SMIM14: variants seen among roughly 807,000 people sequenced by gnomAD.
SMIM14 encodes the protein chromosome 4 open reading frame 34.
SMIM14 carries 5 observed loss-of-function variants against 12.6 expected under a neutral mutation model. The observed-to-expected ratio is 0.40, with a 90% CI of 0.21 to 0.83. The LOEUF (loss-of-function observed/expected upper bound fraction) is 0.83, where lower values mean the gene tolerates loss of function less well. Among genes scored for constraint, SMIM14 ranks in the 40% least tolerant of loss-of-function variants. The pLI is 0.37. For missense variants in SMIM14, 86 were observed against 119.1 expected (o/e 0.72, Z 1.29); for synonymous variants, 30 against 40.1 (o/e 0.75, Z 0.95).
chr4:39,560,439 G>A (rs910101293), intron 3 of SMIM14, among the ~76,000 whole-genome samples: 1 of 151,882 alleles, frequency 6.6e-6, no homozygotes, highest in Non-Finnish European at 1.5e-5. Flanking sequence ...CTCCGAAAAT[G>A]CTGGGATTAC....
intron 2 of SMIM14, among the ~76,000 whole-genome samples, chr4:39,601,039 G>A (rs1028488439): frequency 2.0e-5 from 3 of 151,986 alleles, no homozygotes; most frequent in African/African-American, 7.2e-5. Context: ...TAACATAACA[G>A]ATTTATGTAT....
At position 39,556,438 on chromosome 4, in the gene SMIM14, C is replaced by A; in HGVS notation, c.257G>T (p.Ser86Ile). The part of the protein sequence containing the change: ...RGSSLPGKPT[S>I]PHNGQDPPAP... ...ATCTGCAACACTTACATTATGAGGACTGGTTGGCTTTCCAGGTAGGCTGGA... is the reference window on the plus strand; with the variant it reads ...ATCTGCAACACTTACATTATGAGGAATGGTTGGCTTTCCAGGTAGGCTGGA... The change falls in exon 4 of 5, where the codon AGT becomes ATT. Residue 86 changes from serine to isoleucine, a missense_variant. By Grantham distance (142) the Ser-to-Ile change is moderately radical. Coordinates refer to ENST00000295958, the MANE Select transcript of SMIM14 (RefSeq NM_174921.3). 1 of 1,612,054 alleles carries A rather than the reference C, an allele frequency of 6.2e-7. No homozygotes were observed. The highest frequency in any genetic ancestry group is 1.7e-4 in the Middle Eastern group (1 of 6,054).
At chr4:39,606,859 A>G (rs1714832783) in intron 1 of SMIM14, among the ~76,000 whole-genome samples, 1 of 152,196 alleles carries the variant, frequency 6.6e-6, no homozygotes, top group Admixed American at 6.6e-5. Context: ...AAGGAGAGAC[A>G]TTAAAGATAG....
In SMIM14 at chr4:39,567,461, G is replaced by A. The variant is rs183757107; in HGVS notation, c.124+4954C>T. On this transcript the variant is annotated intron_variant, in intron 3 of 4. Coordinates refer to ENST00000295958, the MANE Select transcript of SMIM14 (RefSeq NM_174921.3). ...CTACAAAAAATACAAAAATTAGGCCGGGCATGGTGGCTCACACCTGTAATC... is the reference window on the plus strand; with the variant it reads ...CTACAAAAAATACAAAAATTAGGCCAGGCATGGTGGCTCACACCTGTAATC... Among the ~76,000 whole-genome samples the A allele has an allele frequency of 6.0e-3, 908 of 152,166 alleles. 15 individuals are homozygous for A. Among genetic ancestry groups the A allele is most frequent in the African/African-American group, 0.02 (843 of 41,538 alleles).
At chr4:39,608,564 C>A (rs1714901127) in intron 1 of SMIM14, among the ~76,000 whole-genome samples, 1 of 152,098 alleles carries the variant, frequency 6.6e-6, no homozygotes, top group Non-Finnish European at 1.5e-5. Context: ...TGCTATGATT[C>A]CATTTATATG....
rs1363221760 is a variant in SMIM14 at position 39,551,396 on chromosome 4, A to AT, written c.*729dup. 1 of 152,672 alleles carries AT rather than the reference A, an allele frequency of 6.5e-6. No individual in the cohort carries two copies. Among genetic ancestry groups the AT allele is most frequent in the Non-Finnish European group, 1.5e-5 (1 of 68,040 alleles). 9.5% of individuals were successfully genotyped at this position (152,672 alleles called of 1,614,324 possible). ...TAGTGTTGAGTGGCTTACAAATGTC[A>AT]TATAATGGACTGTAAATCATCTGCC... On this transcript the variant is annotated 3_prime_UTR_variant, in exon 5 of 5. Transcript: ENST00000295958.
At chr4:39,590,022 CAAAAAAAA>C (rs34159677) in intron 2 of SMIM14, among the ~76,000 whole-genome samples, 1 of 71,352 alleles carries the variant, frequency 1.4e-5, no homozygotes, top group Non-Finnish European at 2.6e-5. Context: ...GACTCTGTTT[CAAAAAAAA>C]AAAAAAAAAA....
chr4:39,581,589 C>T (rs1202665610), intron 2 of SMIM14, among the ~76,000 whole-genome samples: 14 of 144,152 alleles, frequency 9.7e-5, no homozygotes, highest in African/African-American at 3.3e-4. Context: ...GATCTAGGCT[C>T]ACTGCAACCT....
chr4:39,619,853 T>C (rs1417832789), intron 1 of SMIM14, among the ~76,000 whole-genome samples: 3 of 56,386 alleles, frequency 5.3e-5, no homozygotes, highest in Admixed American at 1.7e-4. Flanking sequence ...TATATATTTA[T>C]ATATATTTAT....
chr4:39,568,211 G>A (rs748041526), intron 3 of SMIM14, among the ~76,000 whole-genome samples: 29 of 151,526 alleles, frequency 1.9e-4, no homozygotes, highest in Non-Finnish European at 3.4e-4. Flanking sequence ...CCTGGGAGGC[G>A]GAAGTTGCAG....
At chr4:39,573,325 T>C (rs566288930) in intron 2 of SMIM14, among the ~76,000 whole-genome samples, 1 of 152,202 alleles carries the variant, frequency 6.6e-6, no homozygotes, top group African/African-American at 2.4e-5. Flanking sequence ...CTTGAACTCC[T>C]GACCTAAAGT....
intron 1 of SMIM14, among the ~76,000 whole-genome samples, chr4:39,622,835 A>G (rs1715555265): frequency 6.6e-6 from 1 of 152,252 alleles, no homozygotes; most frequent in Admixed American, 6.5e-5. Flanking sequence ...CAAATATCAT[A>G]TAATGGTTAC....
intron 1 of SMIM14, among the ~76,000 whole-genome samples, chr4:39,634,036 C>G (rs1366325821): frequency 4.6e-5 from 7 of 152,214 alleles, no homozygotes; most frequent in Non-Finnish European, 1.0e-4. Flanking sequence ...TCAAGTGATT[C>G]TCCTGCCTCA....
In SMIM14 at chr4:39,546,553, A is replaced by G. The variant is rs1458647171; in HGVS notation, c.*5573T>C. The G allele has an allele frequency of 6.6e-6, 1 of 152,250 alleles. No homozygotes were observed. Among genetic ancestry groups the G allele is most frequent in the Non-Finnish European group, 1.5e-5 (1 of 68,042 alleles). 9.4% of individuals were successfully genotyped at this position (152,250 alleles called of 1,614,324 possible). Reference sequence around the variant, plus strand: ...CTACAAATTGAGATCCAGAACAGAGAAAGTCATCAGGTGAAATGCCAAGAC... The same window carrying G: ...CTACAAATTGAGATCCAGAACAGAGGAAGTCATCAGGTGAAATGCCAAGAC... On this transcript the variant is annotated 3_prime_UTR_variant, in exon 5 of 5. Coordinates refer to ENST00000295958, the MANE Select transcript of SMIM14 (RefSeq NM_174921.3).
Position 39,629,309 on chromosome 4 carries a change from C to T in SMIM14, c.-36+9430G>A, listed in dbSNP as rs1057324923. On this transcript the variant is annotated intron_variant, in intron 1 of 4. Transcript: ENST00000295958. ...CCAGGAAGCAGAGGTTGCAGCAAGCCGAGATCGTGCCACTGCACTCCAGCC... is the reference window on the plus strand; with the variant it reads ...CCAGGAAGCAGAGGTTGCAGCAAGCTGAGATCGTGCCACTGCACTCCAGCC... 4.4e-5 allele frequency among the ~76,000 whole-genome samples: 6 copies of T among 137,318 alleles called. No individual in the cohort carries two copies. In the East Asian group the frequency reaches 8.7e-4, roughly 20 times the overall value. The allele number at this position is 137,318 out of a possible 152,430, so 90.1% of individuals were successfully genotyped here.
chr4:39,618,431 G>A (rs1489078787), intron 1 of SMIM14, among the ~76,000 whole-genome samples: 1 of 151,914 alleles, frequency 6.6e-6, no homozygotes, highest in Non-Finnish European at 1.5e-5. Context: ...GGTGGGTCAC[G>A]AGGTCAGGAG....
chr4:39,625,933 T>C (rs1359535480), intron 1 of SMIM14, among the ~76,000 whole-genome samples: 1 of 152,192 alleles, frequency 6.6e-6, no homozygotes, highest in African/African-American at 2.4e-5. Context: ...TATAGATTAG[T>C]GCAGGGGTCC....
intron 2 of SMIM14, among the ~76,000 whole-genome samples, chr4:39,583,757 C>A (rs1414402288): frequency 6.6e-6 from 1 of 152,046 alleles, no homozygotes; most frequent in Non-Finnish European, 1.5e-5. Context: ...CAAGATAAGA[C>A]CCTGAGTTAT....
At chr4:39,595,327 T>A (rs2110044998) in intron 2 of SMIM14, among the ~76,000 whole-genome samples, 1 of 143,012 alleles carries the variant, frequency 7.0e-6, no homozygotes, top group Non-Finnish European at 1.5e-5. Flanking sequence ...CACCGCATAT[T>A]CTCACTCATA....
Sources: allele counts gnomAD v4.1 joint callset (sites outside exome capture counted in the v4.1 genomes callset), GRCh38; gene constraint gnomAD v4.1.1; transcripts MANE v1.5; gene names NCBI Gene and HGNC (gene_info 2026-07-23, HGNC 2026-07-21).